The following HHAT variants were observed in gnomAD, a reference collection of about 807,000 sequenced individuals.
HHAT encodes protein-cysteine N-palmitoyltransferase HHAT.
Under a neutral mutation model 70.8 loss-of-function variants are expected in HHAT, and 47 were observed. That is an observed-to-expected ratio of 0.66 (90% CI 0.53 to 0.85). The LOEUF is 0.85. Among genes scored for constraint, HHAT ranks in the 40% least tolerant of loss-of-function variants. The pLI, the probability that HHAT is intolerant of heterozygous loss-of-function variation, is 0.00. For synonymous variants in HHAT, 228 were observed against 247.6 expected, an observed-to-expected ratio of 0.92 and a Z score of 0.74; for missense variants, 609 against 604.8, an observed-to-expected ratio of 1.01 and a Z score of -0.07.
intron 1 of HHAT, among the ~76,000 whole-genome samples, chr1:210,345,733 C>T (rs539633646): frequency 9.8e-5 from 15 of 152,318 alleles, no homozygotes; most frequent in African/African-American, 3.6e-4. Context: ...TTTAAAGTTA[C>T]AATTTCCAAG....
intron 8 of HHAT, among the ~76,000 whole-genome samples, chr1:210,465,567 C>G (rs1056358399): frequency 1.3e-5 from 2 of 152,182 alleles, no homozygotes; most frequent in Non-Finnish European, 2.9e-5. Flanking sequence ...TAGTCTCAAA[C>G]TCTGGGCTAG....
chr1:210,638,291 A>G (rs1241716572), intron 11 of HHAT, among the ~76,000 whole-genome samples: 1 of 152,330 alleles, frequency 6.6e-6, no homozygotes, highest in East Asian at 1.9e-4. Flanking sequence ...AAACAATCCA[A>G]ACATCTGTCA....
At chr1:210,454,008 A>G (rs1284431684) in intron 7 of HHAT, among the ~76,000 whole-genome samples, 1 of 152,102 alleles carries the variant, frequency 6.6e-6, no homozygotes, top group African/African-American at 2.4e-5. Flanking sequence ...GACAAGAGAG[A>G]AATGAGGAAG....
intron 8 of HHAT, among the ~76,000 whole-genome samples, chr1:210,491,234 G>C (rs954363577): frequency 1.3e-5 from 2 of 152,070 alleles, no homozygotes; most frequent in Admixed American, 1.3e-4. Flanking sequence ...ACCATCTCTC[G>C]GAACTGGCCT....
intron 8 of HHAT, among the ~76,000 whole-genome samples, chr1:210,496,820 A>G (rs542446001): frequency 9.8e-5 from 15 of 152,334 alleles, no homozygotes; most frequent in African/African-American, 3.6e-4. Flanking sequence ...TTACCGGGCT[A>G]TGGGGGACTG....
intron 1 of HHAT, among the ~76,000 whole-genome samples, chr1:210,336,779 T>C (rs1407874423): frequency 6.6e-6 from 1 of 152,124 alleles, no homozygotes; most frequent in Non-Finnish European, 1.5e-5. Flanking sequence ...TGAGACCCTG[T>C]TTAAGAAAAA....
chr1:210,584,581 G>T (rs1157876772), intron 9 of HHAT, among the ~76,000 whole-genome samples: 1 of 152,094 alleles, frequency 6.6e-6, no homozygotes, highest in African/African-American at 2.4e-5. Context: ...AGACTACTGT[G>T]CCCTGGGCTG....
At chr1:210,528,888 C>T (rs1212053223) in intron 9 of HHAT, among the ~76,000 whole-genome samples, 2 of 152,168 alleles carry the variant, frequency 1.3e-5, no homozygotes, top group African/African-American at 4.8e-5. Context: ...TCCCCACGTG[C>T]TCATACGAAT....
chr1:210,625,788 T>G lies in HHAT; in HGVS notation c.1390+2118T>G, dbSNP rs191776066. ...AGCAGTGACTCCAGGACCTAGAATC[T>G]TTGTTTTGATTCTCCACTGTCTTGT... On this transcript the variant is annotated intron_variant, in intron 11 of 11. Transcript: ENST00000261458. Among the ~76,000 whole-genome samples, 488 of 152,318 alleles carry G rather than the reference T, an allele frequency of 3.2e-3. 1 individual carries two copies. The highest frequency in any genetic ancestry group is 0.011 in the African/African-American group (469 of 41,570).
intron 8 of HHAT, among the ~76,000 whole-genome samples, chr1:210,475,872 A>C (rs994774985): frequency 6.6e-6 from 1 of 152,160 alleles, no homozygotes; most frequent in Admixed American, 6.5e-5. Context: ...AGTTAAAAAA[A>C]AATCCCTGTT....
At chr1:210,386,399 C>T (rs897493292) in intron 3 of HHAT, among the ~76,000 whole-genome samples, 5 of 150,240 alleles carry the variant, frequency 3.3e-5, no homozygotes, top group African/African-American at 9.8e-5. Context: ...CCACTACGCC[C>T]GGCTAATTTT....
At chr1:210,640,357 G>A (rs755509116) in intron 11 of HHAT, among the ~76,000 whole-genome samples, 49 of 152,156 alleles carry the variant, frequency 3.2e-4, no homozygotes, top group Non-Finnish European at 4.6e-4. Flanking sequence ...AAACTTTTTG[G>A]AGACAAGAGG....
chr1:210,388,952 AT>A, intron 4 of HHAT, among the ~76,000 whole-genome samples: 1 of 152,286 alleles, frequency 6.6e-6, no homozygotes, highest in East Asian at 1.9e-4. Context: ...AGTTAATTGC[AT>A]AGTGGAAGAG....
At chr1:210,490,641 A>G (rs1225958894) in intron 8 of HHAT, among the ~76,000 whole-genome samples, 2 of 152,214 alleles carry the variant, frequency 1.3e-5, no homozygotes, top group Non-Finnish European at 2.9e-5. Flanking sequence ...TGAGATTATT[A>G]ATCAAAACTA....
intron 9 of HHAT, among the ~76,000 whole-genome samples, chr1:210,558,214 T>G (rs1055152046): frequency 3.9e-5 from 6 of 152,184 alleles, no homozygotes; most frequent in African/African-American, 9.6e-5. Context: ...GGTGGGTGGA[T>G]AAAAAGCCAA....
intron 8 of HHAT, among the ~76,000 whole-genome samples, chr1:210,475,521 A>G (rs1011613425): frequency 6.6e-5 from 10 of 152,174 alleles, no homozygotes; most frequent in African/African-American, 2.2e-4. Context: ...CACCTACATG[A>G]CAGACTTCCC....
chr1:210,661,729 G>T (rs183440831), intron 11 of HHAT, among the ~76,000 whole-genome samples: 17 of 152,304 alleles, frequency 1.1e-4, no homozygotes, highest in East Asian at 1.9e-4. Context: ...CCATAAAAAA[G>T]GATGAGTTCA....
At chr1:210,501,012 C>A (rs2094742921) in intron 8 of HHAT, among the ~76,000 whole-genome samples, 1 of 152,246 alleles carries the variant, frequency 6.6e-6, no homozygotes, top group Non-Finnish European at 1.5e-5. Flanking sequence ...TGCCCTCCCC[C>A]ATGCTGGTAA....
intron 7 of HHAT, among the ~76,000 whole-genome samples, chr1:210,423,159 C>T (rs749395246): frequency 6.6e-5 from 10 of 152,210 alleles, no homozygotes; most frequent in East Asian, 3.9e-4. Context: ...TTCCCCATAG[C>T]GGCTATACTA....
Sources: allele counts gnomAD v4.1 joint callset (sites outside exome capture counted in the v4.1 genomes callset), GRCh38; gene constraint gnomAD v4.1.1; transcripts MANE v1.5; gene names NCBI Gene and HGNC (gene_info 2026-07-23, HGNC 2026-07-21).